The following ECE2 variants were observed in gnomAD, a reference collection of about 807,000 sequenced individuals.
ECE2 encodes endothelin-converting enzyme 2.
In ECE2, 81 loss-of-function variants were observed where a neutral mutation model predicts 100.6. That is an observed-to-expected ratio of 0.81 (90% confidence interval 0.67 to 0.97). ECE2 has a LOEUF of 0.97. Ranked by LOEUF, ECE2 falls within the 50% of genes least tolerant of loss-of-function variation. The pLI is 0.00. For synonymous variants in ECE2, 391 were observed against 391.5 expected (o/e 1.00, Z 0.02); for missense variants, 911 against 988.1 (o/e 0.92, Z 1.05).
At position 184,291,055 on chromosome 3, in the gene ECE2, A is replaced by T. The variant is rs772122108; in HGVS notation, c.1850A>T (p.Lys617Ile). 1 of 1,572,062 alleles carries T rather than the reference A, an allele frequency of 6.4e-7. No homozygotes were observed. Among genetic ancestry groups the T allele is most frequent in the Non-Finnish European group, 8.6e-7 (1 of 1,157,568 alleles). Residue 617 changes from lysine (K) to isoleucine (I), a missense_variant, in exon 17 of 19, where the codon AAA becomes ATA. Lys to Ile is a moderately radical substitution (Grantham distance 102). Coordinates refer to ENST00000404464, the MANE Select transcript of ECE2 (RefSeq NM_001100121.2). This position sits in a 1 kb window ranked among gnomAD's most constrained non-coding sequence, Gnocchi z 4.1. ...TTCTCCTCAGGGCGCGAGTATGACA[A>T]AGAAGGGAACCTGCGGCCCTGGTGG... The part of the protein sequence containing the change: ...AFDDQGREYD[K>I]EGNLRPWWQN...
chr3:184,282,685 G>A (rs934164302), intron 7 of ECE2, among the ~76,000 whole-genome samples: 4 of 152,180 alleles, frequency 2.6e-5, no homozygotes, highest in Non-Finnish European at 4.4e-5. Flanking sequence ...CATGGCCCTG[G>A]GGTCATCAGG....
At chr3:184,278,702 TC>T in intron 7 of ECE2, 145 bp downstream of exon 7, 1 of 182,530 alleles carries the variant, frequency 5.5e-6, no homozygotes, top group Non-Finnish European at 8.8e-6. Flanking sequence ...CTTTCTTTCT[TC>T]TTTTCTTCCT....
chr3:184,290,560 G>A lies in ECE2; in HGVS notation c.1659G>A (p.Trp553Ter). Residue 553 changes from tryptophan (W) to a stop codon, truncating the protein, a stop_gained, in exon 15 of 19, where the codon TGG becomes TGA. Coordinates refer to ENST00000404464, the MANE Select transcript of ECE2 (RefSeq NM_001100121.2). LOFTEE classifies it high-confidence loss of function. Reference protein sequence around the residue: ...QLRKPPSRDQWSMTPQTVNAY... With the variant: ...QLRKPPSRDQ ...CCCCTCACTCTTCCTCCGCCAGGTGGAGCATGACCCCCCAGACAGTGAATG... is the reference window on the plus strand; with the variant it reads ...CCCCTCACTCTTCCTCCGCCAGGTGAAGCATGACCCCCCAGACAGTGAATG... 6.2e-7 allele frequency: 1 copy of A among 1,614,004 alleles called. No individual in the cohort carries two copies. The highest frequency in any genetic ancestry group is 1.3e-5 in the African/African-American group (1 of 75,038).
At chr3:184,288,327 A>AAAAAG (rs1560187102) in intron 11 of ECE2, among the ~76,000 whole-genome samples, 9 of 148,968 alleles carry the variant, frequency 6.0e-5, no homozygotes, top group African/African-American at 2.0e-4. Context: ...AAAAAAAAAA[A>AAAAAG]AAAAGAAAAG....
intron 18 of ECE2, 43 bp from the exon 19 acceptor site, chr3:184,292,019 C>T (rs753985793): frequency 3.3e-5 from 52 of 1,572,498 alleles, no homozygotes; most frequent in African/African-American, 4.0e-5. Flanking sequence ...GGCCCGGCTC[C>T]ACACTAGACA....
Position 184,276,070 on chromosome 3 carries a change from G to C in ECE2, c.-84G>C. On this transcript the variant is annotated 5_prime_UTR_variant, in exon 1 of 19. Transcript: ENST00000404464. ...GGCGGCCGTGATGGCTGGTGACGGC[G>C]GGGCCGGGCAGGGGACCGGGGCCGC... 8.2e-7 allele frequency: 1 copy of C among 1,213,124 alleles called. No individual in the cohort carries two copies. The allele number at this position is 1,213,124 out of a possible 1,614,324, so 75.1% of individuals were successfully genotyped here.
chr3:184,276,320 G>C (rs1720545979), intron 1 of ECE2, 128 bp downstream of exon 1: 21 of 1,372,992 alleles, frequency 1.5e-5, no homozygotes, highest in Non-Finnish European at 2.0e-5. Flanking sequence ...CCTGGTGGAG[G>C]GGTGATAGAG....
chr3:184,277,891 A>C, intron 4 of ECE2, 34 bp from the exon 5 acceptor site: 1 of 1,606,944 alleles, frequency 6.2e-7, no homozygotes, highest in Non-Finnish European at 8.5e-7. Flanking sequence ...CAGTTAACGT[A>C]ATTGCCACCT....
At chr3:184,282,112 CA>C (rs1415452017) in intron 7 of ECE2, among the ~76,000 whole-genome samples, 8 of 152,016 alleles carry the variant, frequency 5.3e-5, no homozygotes, top group African/African-American at 1.2e-4. Context: ...CAAACAACAA[CA>C]AAAAAACTAA....
Position 184,285,488 on chromosome 3 carries a change from A to T in ECE2, c.1159A>T (p.Asn387Tyr). Residue 387 changes from asparagine to tyrosine, a missense_variant, in exon 10 of 19, where the codon AAT (asparagine) becomes TAT (tyrosine). Asn to Tyr is a moderately radical substitution (Grantham distance 143). Transcript: ENST00000404464. ...INRTEPSILNNYLIWNLVQKT... is the reference protein window; with the variant it reads ...INRTEPSILNYYLIWNLVQKT... ...TGGTCTGGTTGTCAGCATCCTGAACAATTACCTGATCTGGAACCTGGTGCA... is the reference window on the plus strand; with the variant it reads ...TGGTCTGGTTGTCAGCATCCTGAACTATTACCTGATCTGGAACCTGGTGCA... 1 of 1,613,958 alleles carries T rather than the reference A, an allele frequency of 6.2e-7. No individual in the cohort carries two copies. The highest frequency in any genetic ancestry group is 8.5e-7 in the Non-Finnish European group (1 of 1,179,892).
intron 6 of ECE2, 46 bp downstream of exon 6, chr3:184,278,359 T>C: frequency 6.2e-7 from 1 of 1,603,088 alleles, no homozygotes. Flanking sequence ...GACACTTTGC[T>C]GAGCCCAGAC....
At position 184,289,320 on chromosome 3, in the gene ECE2, TTAGTC is replaced by T. The variant is rs1415025799; in HGVS notation, c.1375-113_1375-109del. On this transcript the variant is annotated intron_variant, in intron 11 of 18. Transcript: ENST00000404464. The surrounding 1 kb of genome is among the most constrained non-coding windows in gnomAD (Gnocchi z 4.1). ...TCTCCAGGTGCTCAGCCGTATTTCTTTAGTCTAGACGTTCCCATTTCCCCTGGGTG... is the reference window on the plus strand; with the variant it reads ...TCTCCAGGTGCTCAGCCGTATTTCTTTAGACGTTCCCATTTCCCCTGGGTG... The T allele has an allele frequency of 7.0e-6, 6 of 857,136 alleles. No homozygotes were observed. Among genetic ancestry groups the T allele is most frequent in the Non-Finnish European group, 9.3e-6 (5 of 536,868 alleles). 53.1% of individuals were successfully genotyped at this position (857,136 alleles called of 1,614,324 possible). A position where few individuals can be genotyped will look rare whatever the true frequency, so the allele number is the denominator to read the frequency against.
At position 184,287,939 on chromosome 3, in the gene ECE2, A is replaced by G. The variant is rs1427830306; in HGVS notation, c.1366A>G (p.Lys456Glu). Residue 456 changes from lysine to glutamate, a missense_variant, in exon 11 of 19, where the codon AAA becomes GAA. Physicochemically the swap from Lys to Glu is moderately conservative, Grantham distance 56. Coordinates refer to ENST00000404464, the MANE Select transcript of ECE2 (RefSeq NM_001100121.2). ...GAAGGCCACGTTTGACCGGCAAAGC[A>G]AAGAAATTGTGAGTCTACAAGATTC... The part of the protein sequence containing the change: ...FVKATFDRQS[K>E]EIAEGMISEI... The G allele has an allele frequency of 1.2e-6, 2 of 1,614,068 alleles. No homozygotes were observed. The highest frequency in any genetic ancestry group is 8.5e-7 in the Non-Finnish European group (1 of 1,179,924).
rs941176955 is a variant in ECE2 at position 184,280,170 on chromosome 3, C to G, written c.816+1613C>G. 2.0e-5 allele frequency among the ~76,000 whole-genome samples: 3 copies of G among 152,122 alleles called. No individual in the cohort carries two copies. The East Asian group carries it at 5.8e-4, about 29-fold the overall frequency. On this transcript the variant is annotated intron_variant, in intron 7 of 18. Coordinates refer to ENST00000404464, the MANE Select transcript of ECE2 (RefSeq NM_001100121.2). ...GAATTAGGGGTGTCTCTAGGAAGAA[C>G]CAGCTTAGGGTACATTGAGAAAGAG...
At chr3:184,277,176 G>C in intron 3 of ECE2, 75 bp from the exon 4 acceptor site, 1 of 1,604,736 alleles carries the variant, frequency 6.2e-7, no homozygotes, top group Non-Finnish European at 8.5e-7. Flanking sequence ...TGCTGTCATG[G>C]CCCTTGCAGA....
rs949802622 is a variant in ECE2 at position 184,289,354 on chromosome 3, A to G, written c.1375-83A>G. 1 of 1,284,202 alleles carries G rather than the reference A, an allele frequency of 7.8e-7. No homozygotes were observed. 79.6% of individuals were successfully genotyped at this position (1,284,202 alleles called of 1,614,324 possible). ...ACGTTCCCATTTCCCCTGGGTGGACAGGGATGGGGCACCAAGGGTGGATGG... is the reference window on the plus strand; with the variant it reads ...ACGTTCCCATTTCCCCTGGGTGGACGGGGATGGGGCACCAAGGGTGGATGG... On this transcript the variant is annotated intron_variant, in intron 11 of 18. Transcript: ENST00000404464. The surrounding 1 kb of genome is among the most constrained non-coding windows in gnomAD (Gnocchi z 4.1).
At position 184,289,681 on chromosome 3, in the gene ECE2, TC is replaced by T. The variant is rs766287430; in HGVS notation, c.1516del (p.Leu506TrpfsTer25). ...GATATGATTGGTTTCCCAGACTTTA[TC>T]CTGGAGCCCAAAGAGCTGGATGATG... ...IYDMIGFPDF[I>X]LEPKELDDVY... is the part of the protein sequence containing the mutation. On this transcript the variant is annotated frameshift_variant, in exon 13 of 19. Transcript: ENST00000404464. LOFTEE classifies it high-confidence loss of function. This position sits in a 1 kb window ranked among gnomAD's most constrained non-coding sequence, Gnocchi z 4.1. 8.7e-6 allele frequency: 14 copies of T among 1,613,640 alleles called. No homozygotes were observed. Among genetic ancestry groups the T allele is most frequent in the Non-Finnish European group, 1.2e-5 (14 of 1,179,834 alleles).
In ECE2 at chr3:184,285,098, G is replaced by C; in HGVS notation, c.1141G>C (p.Glu381Gln). 6.2e-7 allele frequency: 1 copy of C among 1,613,728 alleles called. No individual in the cohort carries two copies. The highest frequency in any genetic ancestry group is 1.1e-5 in the South Asian group (1 of 90,982). ...GGTGTCAGAGCTCATCAACCGCACGGAACCAAGGTGTGGGGGTAGCCCAGG... is the reference window on the plus strand; with the variant it reads ...GGTGTCAGAGCTCATCAACCGCACGCAACCAAGGTGTGGGGGTAGCCCAGG... Reference protein sequence around the residue: ...QQVSELINRTEPSILNNYLIW... With the variant: ...QQVSELINRTQPSILNNYLIW... The change falls in exon 9 of 19, where the codon GAA becomes CAA. Residue 381 changes from glutamate to glutamine, a missense_variant. Physicochemically the swap from Glu to Gln is conservative, Grantham distance 29. Transcript: ENST00000404464.
chr3:184,291,910 T>C lies in ECE2; in HGVS notation c.2122-152T>C. On this transcript the variant is annotated intron_variant, in intron 18 of 18. Coordinates refer to ENST00000404464, the MANE Select transcript of ECE2 (RefSeq NM_001100121.2). This position sits in a 1 kb window ranked among gnomAD's most constrained non-coding sequence, Gnocchi z 4.1. The stretch of plus-strand genomic sequence containing the variant: ...CCGCTTTTTCCCCTCGTCATGTCCA[T>C]GCTGGGCAACCCGATGTCCAGGGCA... The C allele has an allele frequency of 1.2e-6, 1 of 837,648 alleles. No homozygotes were observed. The highest frequency in any genetic ancestry group is 1.8e-6 in the Non-Finnish European group (1 of 544,864). The allele number at this position is 837,648 out of a possible 1,614,324, so 51.9% of individuals were successfully genotyped here.
Sources: allele counts gnomAD v4.1 joint callset (sites outside exome capture counted in the v4.1 genomes callset), GRCh38; gene constraint gnomAD v4.1.1; non-coding constraint Gnocchi (gnomAD v3.1); transcripts MANE v1.5; gene names NCBI Gene and HGNC (gene_info 2026-07-23, HGNC 2026-07-21).